TBL1Y: variants seen among roughly 807,000 people sequenced by gnomAD.
TBL1Y encodes F-box-like/WD repeat-containing protein TBL1Y.
In TBL1Y, 15 loss-of-function variants were observed where a neutral mutation model predicts 12.0. That is an observed-to-expected ratio of 1.25 (90% confidence interval 0.83 to 1.92). The LOEUF (loss-of-function observed/expected upper bound fraction) is 1.92, where lower values mean the gene tolerates loss of function less well. Among genes scored for constraint, TBL1Y ranks in the 40% most tolerant of loss-of-function variants. The pLI is 0.00. For synonymous variants in TBL1Y, 53 were observed against 42.6 expected (o/e 1.24, Z -0.95); for missense variants, 148 against 116.7 (o/e 1.27, Z -1.24).
At chrY:7,031,862 G>T (rs2012658016) in intron 6 of TBL1Y, among the ~76,000 whole-genome samples, 1 of 33,392 alleles carries the variant, frequency 3.0e-5, no homozygotes, top group Admixed American at 2.8e-4. Flanking sequence ...TACTTGTAAG[G>T]GATACCTTGA....
chrY:7,064,780 G>C (rs371254614), intron 8 of TBL1Y, among the ~76,000 whole-genome samples: 6 of 33,418 alleles, frequency 1.8e-4, no homozygotes, highest in African/African-American at 4.7e-4. Flanking sequence ...TAGTGGGTGG[G>C]AGGGTGTGTA....
chrY:6,991,626 C>G, intron 3 of TBL1Y, among the ~76,000 whole-genome samples: 1 of 33,089 alleles, frequency 3.0e-5, no homozygotes, highest in Non-Finnish European at 7.4e-5. Context: ...GCCAAGGAGA[C>G]AGAACTGATT....
chrY:6,911,660 G>A (rs2011695376), intron 1 of TBL1Y, among the ~76,000 whole-genome samples: 1 of 34,877 alleles, frequency 2.9e-5, no homozygotes, highest in African/African-American at 1.1e-4. Context: ...CGGCGCCAGG[G>A]TAAAGCGCAG....
chrY:6,952,458 G>A, intron 2 of TBL1Y, among the ~76,000 whole-genome samples: 7 of 32,869 alleles, frequency 2.1e-4, no homozygotes, highest in African/African-American at 8.4e-4. Flanking sequence ...TTTGATCTTT[G>A]TTGGTTTAAA....
chrY:6,923,978 T>TA lies in TBL1Y; in HGVS notation c.-266+11817dup, dbSNP rs2011803450. The stretch of plus-strand genomic sequence containing the variant: ...ATATGCATGCCACTATGCCCTGCTT[T>TA]AAAAAAAAAAATTCTTAATTTTTGT... On this transcript the variant is annotated intron_variant, in intron 2 of 18. Coordinates refer to ENST00000383032, the MANE Select transcript of TBL1Y (RefSeq NM_033284.2). Among the ~76,000 whole-genome samples the TA allele has an allele frequency of 1.6e-3, 47 of 30,062 alleles. No homozygotes were observed. The South Asian group carries it at 0.029, about 18-fold the overall frequency. 80.7% of individuals were successfully genotyped at this position (30,062 alleles called of 37,273 possible).
At chrY:7,087,859 C>T (rs2013150222) in intron 17 of TBL1Y, among the ~76,000 whole-genome samples, 3 of 33,303 alleles carry the variant, frequency 9.0e-5, no homozygotes, top group African/African-American at 3.5e-4. Context: ...GAGCAGCTAA[C>T]AGGGGTGAGG....
intron 2 of TBL1Y, among the ~76,000 whole-genome samples, chrY:6,971,914 C>T: frequency 3.0e-5 from 1 of 33,738 alleles, no homozygotes; most frequent in African/African-American, 1.2e-4. Flanking sequence ...CCGCAAAAGC[C>T]GTATATTCTT....
chrY:7,076,115 G>A, intron 13 of TBL1Y, among the ~76,000 whole-genome samples: 1 of 32,210 alleles, frequency 3.1e-5, no homozygotes, highest in African/African-American at 1.2e-4. Context: ...TTTTAGTAGA[G>A]ATGGGGTTTT....
chrY:6,935,752 C>A, intron 2 of TBL1Y, among the ~76,000 whole-genome samples: 1 of 32,993 alleles, frequency 3.0e-5, no homozygotes, highest in East Asian at 8.1e-4. Context: ...TAAAAAATCA[C>A]TGAGTGTGGT....
chrY:6,998,693 C>T (rs2012426098), intron 4 of TBL1Y, among the ~76,000 whole-genome samples: 1 of 33,077 alleles, frequency 3.0e-5, no homozygotes, highest in African/African-American at 1.2e-4. Flanking sequence ...CAAATCCATA[C>T]AGTTACTGAG....
chrY:6,932,256 C>T (rs2011870024), intron 2 of TBL1Y, among the ~76,000 whole-genome samples: 1 of 33,634 alleles, frequency 3.0e-5, no homozygotes, highest in South Asian at 6.8e-4. Flanking sequence ...TTGGCTTTGC[C>T]GTAAATGTTT....
chrY:6,922,901 C>A, intron 2 of TBL1Y, among the ~76,000 whole-genome samples: 1 of 34,502 alleles, frequency 2.9e-5, no homozygotes, highest in Non-Finnish European at 7.3e-5. Flanking sequence ...CCACCCAGAA[C>A]GCGCGCAGGC....
chrY:6,948,750 A>C, intron 2 of TBL1Y, among the ~76,000 whole-genome samples: 1 of 30,647 alleles, frequency 3.3e-5, no homozygotes, highest in African/African-American at 1.3e-4. Context: ...GCTCTGCCAC[A>C]CTGCAAGTTT....
At chrY:6,918,451 C>T in intron 2 of TBL1Y, among the ~76,000 whole-genome samples, 1 of 33,544 alleles carries the variant, frequency 3.0e-5, no homozygotes, top group African/African-American at 1.2e-4. Flanking sequence ...GTTGCACAGG[C>T]TGGAGTGCAG....
intron 2 of TBL1Y, among the ~76,000 whole-genome samples, chrY:6,970,874 T>C: frequency 8.7e-5 from 3 of 34,485 alleles, no homozygotes; most frequent in Non-Finnish European, 2.2e-4. Context: ...TATGCACAGA[T>C]GTGGTTCAGT....
chrY:6,997,218 C>A (rs746291418), intron 4 of TBL1Y, among the ~76,000 whole-genome samples: 3 of 33,047 alleles, frequency 9.1e-5, no homozygotes, highest in East Asian at 1.6e-3. Flanking sequence ...GAGTTTGAGA[C>A]CAGCCTGGCC....
chrY:7,029,650 T>C, intron 6 of TBL1Y, among the ~76,000 whole-genome samples: 1 of 33,856 alleles, frequency 3.0e-5, no homozygotes, highest in Non-Finnish European at 7.3e-5. Flanking sequence ...GTCTTGAGTG[T>C]AGTCAACACA....
At chrY:6,974,206 T>C (rs2012224393) in intron 2 of TBL1Y, among the ~76,000 whole-genome samples, 1 of 33,719 alleles carries the variant, frequency 3.0e-5, no homozygotes, top group Non-Finnish European at 7.3e-5. Context: ...GGACAAAGCA[T>C]GTTACTGTCA....
chrY:6,994,216 T>A (rs2012395139), intron 3 of TBL1Y, among the ~76,000 whole-genome samples: 1 of 33,634 alleles, frequency 3.0e-5, no homozygotes, highest in Non-Finnish European at 7.3e-5. Context: ...TTGAATGATA[T>A]ATTGGAGAAG....
Sources: gnomAD v4.1 joint callset for allele counts (sites outside exome capture counted in the v4.1 genomes callset) on GRCh38, gnomAD v4.1.1 for gene constraint, MANE v1.5 for transcripts, NCBI Gene and HGNC (gene_info 2026-07-23, HGNC 2026-07-21) for gene names.